The following BAIAP3 variants were observed in gnomAD, a reference collection of about 807,000 sequenced individuals.
BAIAP3 encodes BAI1 associated protein 3.
Under a neutral mutation model 149.7 loss-of-function variants are expected in BAIAP3, and 180 were observed. The ratio of observed to expected loss-of-function variants is 1.20; its 90% confidence interval spans 1.07 to 1.36. The LOEUF is 1.36. Ranked by LOEUF, BAIAP3 falls within the 40% of genes most tolerant of loss-of-function variation. The pLI is 0.00. For synonymous variants in BAIAP3, 845 were observed against 670.7 expected (o/e 1.26, Z -4.02); for missense variants, 1,767 against 1,563.4 (o/e 1.13, Z -2.20).
At position 1,336,185 on chromosome 16, in the gene BAIAP3, A is replaced by G. The variant is rs532753365; in HGVS notation, c.-10-2355A>G. ...CGGTTGCCCTGGCAACAGCTCCAGC[A>G]GCGGCTGCTCCACTGGCTTCGGGGG... On this transcript the variant is annotated intron_variant, in intron 1 of 33. Transcript: ENST00000426824. 33 of 984,732 alleles carry G rather than the reference A, an allele frequency of 3.4e-5. No individual in the cohort carries two copies. In the East Asian group the frequency reaches 3.1e-3, roughly 91 times the overall value. 61.0% of individuals were successfully genotyped at this position (984,732 alleles called of 1,614,324 possible).
intron 1 of BAIAP3, chr16:1,336,357 G>C (rs118138478): frequency 1.2e-5 from 12 of 985,310 alleles, no homozygotes; most frequent in Admixed American, 6.1e-5. Context: ...CCATCTTTTG[G>C]GGGGGAGGCT....
At position 1,339,478 on chromosome 16, in the gene BAIAP3, C is replaced by T. The variant is rs1256624280; in HGVS notation, c.301-18C>T. On this transcript the variant is annotated intron_variant, in intron 4 of 33. Transcript: ENST00000426824. ...GGCCTGGGACGCGGCACTGTGGCCGCCCTTCCCCCACCTGCAGGTGGAGAT... is the reference window on the plus strand; with the variant it reads ...GGCCTGGGACGCGGCACTGTGGCCGTCCTTCCCCCACCTGCAGGTGGAGAT... 4 of 1,599,894 alleles carry T rather than the reference C, an allele frequency of 2.5e-6. No homozygotes were observed. Among genetic ancestry groups the T allele is most frequent in the Non-Finnish European group, 3.4e-6 (4 of 1,170,828 alleles).
chr16:1,334,283 G>A (rs181681854), intron 1 of BAIAP3, among the ~76,000 whole-genome samples: 16 of 152,010 alleles, frequency 1.1e-4, no homozygotes, highest in African/African-American at 3.6e-4. Flanking sequence ...GCAAAGGGCT[G>A]TGGGCTCTTG....
intron 13 of BAIAP3, 32 bp from the exon 14 acceptor site, chr16:1,342,881 C>G: frequency 6.2e-7 from 1 of 1,611,912 alleles, no homozygotes; most frequent in Non-Finnish European, 8.5e-7. Flanking sequence ...GGGGCTGTCC[C>G]GCCTCCACCC....
At chr16:1,334,715 G>T in intron 1 of BAIAP3, 1 of 1,556,928 alleles carries the variant, frequency 6.4e-7, no homozygotes, top group Non-Finnish European at 8.7e-7. Flanking sequence ...ACCTGCACCT[G>T]GGCACCGCCA....
At position 1,347,832 on chromosome 16, in the gene BAIAP3, G is replaced by T. The variant is rs756211853; in HGVS notation, c.3025+11G>T. 1 of 1,603,934 alleles carries T rather than the reference G, an allele frequency of 6.2e-7. No individual in the cohort carries two copies. Among genetic ancestry groups the T allele is most frequent in the African/African-American group, 1.3e-5 (1 of 74,822 alleles). On this transcript the variant is annotated intron_variant, in intron 31 of 33. Transcript: ENST00000426824. ...CCCTGGACGCCAACGGTGAGTTGCA[G>T]CGGGGACGGGTCGGGTGGTGGTGGG...
In BAIAP3 at chr16:1,347,697, G is replaced by A. The variant is rs8055112; in HGVS notation, c.2905-4G>A. 65,254 of 1,610,800 alleles carry A rather than the reference G, an allele frequency of 0.041. 3,560 individuals are homozygous for A. The highest frequency in any genetic ancestry group is 0.26 in the African/African-American group (19,556 of 74,970). On this transcript the variant is annotated splice_polypyrimidine_tract_variant and splice_region_variant and intron_variant, in intron 30 of 33. Coordinates refer to ENST00000426824, the MANE Select transcript of BAIAP3 (RefSeq NM_001199097.2). ...CCCAGCTGCGCTCACCCGCCTTTCC[G>A]CAGAGGACCCTGGAGCAGAACCGGT...
intron 9 of BAIAP3, 51 bp downstream of exon 9, chr16:1,341,917 G>T (rs1355636706): frequency 6.3e-7 from 1 of 1,598,404 alleles, no homozygotes; most frequent in African/African-American, 1.3e-5. Flanking sequence ...CCTTTTGCGG[G>T]GGAGCAGGAC....
At chr16:1,341,520 G>T (rs371797239) in intron 8 of BAIAP3, 31 bp downstream of exon 8, 2 of 1,588,572 alleles carry the variant, frequency 1.3e-6, no homozygotes, top group Admixed American at 1.7e-5. Flanking sequence ...GGTGCGGGAG[G>T]GGGGCTCTGC....
chr16:1,341,079 C>CT, intron 6 of BAIAP3, 50 bp from the exon 7 acceptor site: 16 of 1,610,878 alleles, frequency 9.9e-6, no homozygotes, highest in Non-Finnish European at 1.4e-5. Context: ...AGTAGGGCAT[C>CT]TGGGGGGCAG....
At position 1,345,782 on chromosome 16, in the gene BAIAP3, C is replaced by A; in HGVS notation, c.2100C>A (p.Ser700Arg). ...TGGACGCCTCCTCCAGGCACAGCAG[C>A]TCCGCAGCCACTGCTGGTCTCTGCC... ...EPVDASSRHS[S>R]SAATAGLCLS... The change falls in exon 23 of 34, where the codon AGC becomes AGA. Residue 700 changes from serine to arginine, a missense_variant. Transcript: ENST00000426824. 6.4e-7 allele frequency: 1 copy of A among 1,563,428 alleles called. No homozygotes were observed. Among genetic ancestry groups the A allele is most frequent in the South Asian group, 1.2e-5 (1 of 85,588 alleles).
chr16:1,340,673 C>A (rs2033866844), intron 5 of BAIAP3, among the ~76,000 whole-genome samples: 1 of 152,234 alleles, frequency 6.6e-6, no homozygotes, highest in Non-Finnish European at 1.5e-5. Context: ...GCTCTGAACT[C>A]CCCTGTCCTC....
Position 1,346,207 on chromosome 16 carries a change from A to G in BAIAP3, c.2339A>G (p.Lys780Arg). The G allele has an allele frequency of 6.2e-7, 1 of 1,612,260 alleles. No individual in the cohort carries two copies. The highest frequency in any genetic ancestry group is 8.5e-7 in the Non-Finnish European group (1 of 1,179,828). The change falls in exon 25 of 34, where the codon AAG (lysine) becomes AGG (arginine). Residue 780 changes from lysine (K) to arginine (R), a missense_variant. Coordinates refer to ENST00000426824, the MANE Select transcript of BAIAP3 (RefSeq NM_001199097.2). ...CTCAACAATGTGGAGCTCGTGCGCA[A>G]GGCTGCTGGGCAGGCCTTGAAGGGC... ...VVLNNVELVR[K>R]AAGQALKGLA...
chr16:1,346,923 G>A lies in BAIAP3; in HGVS notation c.2719G>A (p.Asp907Asn), dbSNP rs2034416277. The A allele has an allele frequency of 1.2e-6, 2 of 1,611,458 alleles. No individual in the cohort carries two copies. The highest frequency in any genetic ancestry group is 3.3e-5 in the Admixed American group (2 of 59,918). ...ALGANRDVSADFYSRFHFTLE... is the reference protein window; with the variant it reads ...ALGANRDVSANFYSRFHFTLE... ...GGGTGCAAACCGTGACGTCTCTGCT[G>A]ATTTCTACAGCCGCTTCCATTTCAC... Residue 907 changes from aspartate (D) to asparagine (N), a missense_variant, in exon 28 of 34, where the codon GAT (aspartate) becomes AAT (asparagine). Coordinates refer to ENST00000426824, the MANE Select transcript of BAIAP3 (RefSeq NM_001199097.2).
Position 1,344,222 on chromosome 16 carries a change from C to A in BAIAP3, c.1512-5C>A. 2 of 1,613,308 alleles carry A rather than the reference C, an allele frequency of 1.2e-6. No individual in the cohort carries two copies. The highest frequency in any genetic ancestry group is 1.7e-6 in the Non-Finnish European group (2 of 1,179,918). On this transcript the variant is annotated splice_region_variant and splice_polypyrimidine_tract_variant and intron_variant, in intron 16 of 33. Transcript: ENST00000426824. ...GCCCCACGTCAGCGTGCTGCCCCCA[C>A]CCAGGTGTCTGGGCAAGCTGCAGCT...
rs371226013 is a variant in BAIAP3, at chr16:1,346,310, C to T, written c.2442C>T (p.Asp814=). ...RPLLSCTQAL[D]DDLQREAHTV... ...TGCTCAGCTGCACACAGGCCCTGGA[C>T]GATGATCTGCAACGGGAGGCCCACA... The change falls in exon 25 of 34, where the codon GAC becomes GAT. Residue 814 remains aspartate, a synonymous_variant. Coordinates refer to ENST00000426824, the MANE Select transcript of BAIAP3 (RefSeq NM_001199097.2). The T allele has an allele frequency of 1.4e-5, 22 of 1,604,106 alleles. No homozygotes were observed. Among genetic ancestry groups the T allele is most frequent in the Non-Finnish European group, 1.7e-5 (20 of 1,173,428 alleles).
In BAIAP3 at chr16:1,346,644, G is replaced by A; in HGVS notation, c.2602G>A (p.Ala868Thr). The change falls in exon 27 of 34, where the codon GCC becomes ACC. Residue 868 changes from alanine to threonine, a missense_variant. Physicochemically the swap from Ala to Thr is moderately conservative, Grantham distance 58. Coordinates refer to ENST00000426824, the MANE Select transcript of BAIAP3 (RefSeq NM_001199097.2). ...PLMKYLDEKL[A>T]LLNASLVKGN... ...CATGAAGTACCTGGATGAGAAGCTG[G>A]CCCTGCTGAACGCCTCGCTGGTGAA... 1 of 1,302,738 alleles carries A rather than the reference G, an allele frequency of 7.7e-7. No homozygotes were observed. Among genetic ancestry groups the A allele is most frequent in the South Asian group, 1.2e-5 (1 of 81,006 alleles). 80.7% of individuals were successfully genotyped at this position (1,302,738 alleles called of 1,614,324 possible).
At position 1,341,357 on chromosome 16, in the gene BAIAP3, G is replaced by A. The variant is rs115052205; in HGVS notation, c.599G>A (p.Arg200His). The A allele has an allele frequency of 3.7e-5, 59 of 1,612,192 alleles. No individual in the cohort carries two copies. Among genetic ancestry groups the A allele is most frequent in the East Asian group, 2.0e-4 (9 of 44,894 alleles). The stretch of plus-strand genomic sequence containing the variant: ...GCCTCGGACGCCACGCGGGAGCCCC[G>A]TGCACAGAAGGAGCAGCGCTTCGGC... ...LPASDATREP[R>H]AQKEQRFGFR... is the part of the protein sequence containing the mutation. The change falls in exon 8 of 34, where the codon CGT becomes CAT. Residue 200 changes from arginine (R) to histidine (H), a missense_variant. Physicochemically the swap from Arg to His is conservative, Grantham distance 29. Coordinates refer to ENST00000426824, the MANE Select transcript of BAIAP3 (RefSeq NM_001199097.2).
rs1252373135 is a variant in BAIAP3 at position 1,345,049 on chromosome 16, C to T, written c.1890C>T (p.Leu630=). Residue 630 remains leucine (L), a synonymous_variant, in exon 21 of 34, where the codon CTC becomes CTT. Coordinates refer to ENST00000426824, the MANE Select transcript of BAIAP3 (RefSeq NM_001199097.2). ...AGGTGGCCTCGGGGCTCTTTGAGCT[C>T]TACCTGACCCTGGCTGACCTCCAGC... ...TLEVASGLFE[L]YLTLADLQRF... The T allele has an allele frequency of 6.2e-7, 1 of 1,612,492 alleles. No individual in the cohort carries two copies. Among genetic ancestry groups the T allele is most frequent in the Non-Finnish European group, 8.5e-7 (1 of 1,180,012 alleles).
Sources: gnomAD v4.1 joint callset for allele counts (sites outside exome capture counted in the v4.1 genomes callset) on GRCh38, gnomAD v4.1.1 for gene constraint, MANE v1.5 for transcripts, NCBI Gene and HGNC (gene_info 2026-07-23, HGNC 2026-07-21) for gene names.